Variants in PPP1R3A observed in about 807,000 individuals in gnomAD.
PPP1R3A encodes the protein protein phosphatase 1 regulatory subunit 3A, also known as RG1.
Under a neutral mutation model 41.7 loss-of-function variants are expected in PPP1R3A, and 29 were observed. The ratio of observed to expected loss-of-function variants is 0.70; its 90% CI spans 0.52 to 0.95. The LOEUF is 0.95. PPP1R3A is among the 40% of genes least tolerant of loss of function. The pLI, the probability that PPP1R3A is intolerant of heterozygous loss-of-function variation, is 0.00. For synonymous variants in PPP1R3A, 485 were observed against 453.4 expected, an observed-to-expected ratio of 1.07 and a Z score of -0.89; for missense variants, 1,352 against 1,292.4, an observed-to-expected ratio of 1.05 and a Z score of -0.71.
chr7:113,891,815 C>T (rs1016807966), intron 1 of PPP1R3A, among the ~76,000 whole-genome samples: 1 of 151,918 alleles, frequency 6.6e-6, no homozygotes, highest in Non-Finnish European at 1.5e-5. Context: ...TGTGCTAAAA[C>T]CCCATATGTC....
chr7:113,910,700 T>C (rs1243138222), intron 1 of PPP1R3A, among the ~76,000 whole-genome samples: 3 of 152,142 alleles, frequency 2.0e-5, no homozygotes, highest in Admixed American at 1.3e-4. Flanking sequence ...GATTTGTAAT[T>C]GTGTTAACAC....
At chr7:113,916,454 T>C (rs772708397) in intron 1 of PPP1R3A, among the ~76,000 whole-genome samples, 69 of 152,238 alleles carry the variant, frequency 4.5e-4, no homozygotes, top group Non-Finnish European at 8.4e-4. Context: ...ATCAGTTGGC[T>C]AGTCTTTGCC....
At chr7:113,896,417 T>C (rs1340511033) in intron 1 of PPP1R3A, among the ~76,000 whole-genome samples, 1 of 151,900 alleles carries the variant, frequency 6.6e-6, no homozygotes, top group Non-Finnish European at 1.5e-5. Flanking sequence ...AAAGCTAGTT[T>C]ATACATACAA....
In PPP1R3A at chr7:113,880,088, G is replaced by A. The variant is rs775655362; in HGVS notation, c.1004C>T (p.Ser335Phe). ...TGAAAATGTATTCCTTTCATCTCTG[G>A]AAGCAGTACTTCTGGTTCTTATTAA... Reference protein sequence around the residue: ...QHLIRTRSTASRDERNTFSTD... With the variant: ...QHLIRTRSTAFRDERNTFSTD... The change falls in exon 4 of 4, where the codon TCC becomes TTC. Residue 335 changes from serine to phenylalanine, a missense_variant. Physicochemically the swap from Ser to Phe is radical, Grantham distance 155. Coordinates refer to ENST00000284601, the MANE Select transcript of PPP1R3A (RefSeq NM_002711.4). 2 of 1,606,226 alleles carry A rather than the reference G, an allele frequency of 1.2e-6. No homozygotes were observed. The highest frequency in any genetic ancestry group is 8.5e-7 in the Non-Finnish European group (1 of 1,173,418).
At chr7:113,900,961 T>C (rs1562923714) in intron 1 of PPP1R3A, among the ~76,000 whole-genome samples, 1 of 151,616 alleles carries the variant, frequency 6.6e-6, no homozygotes, top group South Asian at 2.1e-4. Context: ...ATAATGCTGA[T>C]GTAGAATTTC....
intron 3 of PPP1R3A, among the ~76,000 whole-genome samples, chr7:113,880,397 C>T (rs1210651889): frequency 6.6e-6 from 1 of 151,998 alleles, no homozygotes; most frequent in East Asian, 1.9e-4. Context: ...TTCAACTGTT[C>T]TTGCTTGTCA....
At chr7:113,908,802 T>C (rs957497745) in intron 1 of PPP1R3A, among the ~76,000 whole-genome samples, 3 of 151,908 alleles carry the variant, frequency 2.0e-5, no homozygotes, top group Admixed American at 6.6e-5. Context: ...TGGAATACTA[T>C]GCACCCCTTA....
At chr7:113,911,702 C>G (rs543734118) in intron 1 of PPP1R3A, among the ~76,000 whole-genome samples, 4 of 152,094 alleles carry the variant, frequency 2.6e-5, no homozygotes, top group African/African-American at 4.8e-5. Flanking sequence ...TATAAATACT[C>G]GTCTCCCTGG....
chr7:113,879,934 T>G lies in PPP1R3A; in HGVS notation c.1158A>C (p.Gly386=). 6.2e-7 allele frequency: 1 copy of G among 1,613,586 alleles called. No homozygotes were observed. Among genetic ancestry groups the G allele is most frequent in the Non-Finnish European group, 8.5e-7 (1 of 1,179,670 alleles). The stretch of plus-strand genomic sequence containing the variant: ...AATATTTTTCATTGCAGTAAAAATC[T>G]CCCTTTACGGAGCTTTCTGCTGATG... The part of the protein sequence containing the change: ...PSSSAESSVK[G]DFYCNEKYSS... Residue 386 remains glycine, a synonymous_variant, in exon 4 of 4, where the codon GGA becomes GGC. Transcript: ENST00000284601.
chr7:113,896,396 G>GT (rs1796977048), intron 1 of PPP1R3A, among the ~76,000 whole-genome samples: 1 of 151,708 alleles, frequency 6.6e-6, no homozygotes. Context: ...GGCTTCTGTT[G>GT]TTTTTTACTT....
chr7:113,893,460 G>A (rs1796926273), intron 1 of PPP1R3A, among the ~76,000 whole-genome samples: 1 of 151,680 alleles, frequency 6.6e-6, no homozygotes, highest in Admixed American at 6.6e-5. Flanking sequence ...TACATGTAAT[G>A]GAATGGTTTA....
chr7:113,889,093 G>A (rs1378018443), intron 1 of PPP1R3A, among the ~76,000 whole-genome samples: 1 of 152,112 alleles, frequency 6.6e-6, no homozygotes. Flanking sequence ...GAATGATGGT[G>A]CTAAAAATTT....
chr7:113,906,485 AATATAAG>A (rs1231845508), intron 1 of PPP1R3A, among the ~76,000 whole-genome samples: 1 of 151,766 alleles, frequency 6.6e-6, no homozygotes, highest in African/African-American at 2.4e-5. Context: ...ACTTAAACAA[AATATAAG>A]ATATAAGACG....
At chr7:113,906,768 G>A (rs571099945) in intron 1 of PPP1R3A, among the ~76,000 whole-genome samples, 3 of 151,698 alleles carry the variant, frequency 2.0e-5, no homozygotes, top group Non-Finnish European at 4.4e-5. Flanking sequence ...TGGTCACATG[G>A]GGACTAATAC....
rs79966131 is a variant in PPP1R3A, at chr7:113,912,755, G to T, written c.782+5460C>A. Among the ~76,000 whole-genome samples the T allele has an allele frequency of 8.2e-3, 1,249 of 151,654 alleles. 15 individuals are homozygous for T. The highest frequency in any genetic ancestry group is 0.026 in the African/African-American group (1,085 of 41,332). ...GAGCATTTTTGGCTCAGAAATAGTG[G>T]GCTCTGCTTTATTTTTACAGGCTGC... On this transcript the variant is annotated intron_variant, in intron 1 of 3. Transcript: ENST00000284601.
chr7:113,879,293 T>C lies in PPP1R3A; in HGVS notation c.1799A>G (p.His600Arg), dbSNP rs754886657. ...SWEEAVLTPE[H>R]HHLTSEGSAL... is the part of the protein sequence containing the mutation. Reference sequence around the variant, plus strand: ...GCTGCCTTCACTAGTCAAATGATGATGCTCTGGGGTTAACACAGCTTCTTC... The same window carrying C: ...GCTGCCTTCACTAGTCAAATGATGACGCTCTGGGGTTAACACAGCTTCTTC... Residue 600 changes from histidine (H) to arginine (R), a missense_variant, in exon 4 of 4, where the codon CAT becomes CGT. Coordinates refer to ENST00000284601, the MANE Select transcript of PPP1R3A (RefSeq NM_002711.4). 10 of 1,613,564 alleles carry C rather than the reference T, an allele frequency of 6.2e-6. No homozygotes were observed. The South Asian group carries it at 6.6e-5, about 11-fold the overall frequency.
In PPP1R3A at chr7:113,878,738, T is replaced by A. The variant is rs1796621151; in HGVS notation, c.2354A>T (p.Tyr785Phe). 1 of 1,613,382 alleles carries A rather than the reference T, an allele frequency of 6.2e-7. No individual in the cohort carries two copies. Among genetic ancestry groups the A allele is most frequent in the African/African-American group, 1.3e-5 (1 of 74,876 alleles). The change falls in exon 4 of 4, where the codon TAT becomes TTT. Residue 785 changes from tyrosine to phenylalanine, a missense_variant. Tyr to Phe is a conservative substitution (Grantham distance 22, BLOSUM62 3). Coordinates refer to ENST00000284601, the MANE Select transcript of PPP1R3A (RefSeq NM_002711.4). ...PHEGRNDDSH[Y>F]TLCQRDTVGV... ...TACTGTATCTCGTTGACAAAGGGTA[T>A]AATGTGAATCATCATTTCTCCCTTC...
intron 1 of PPP1R3A, among the ~76,000 whole-genome samples, chr7:113,900,746 T>C (rs1430301805): frequency 6.7e-6 from 1 of 148,414 alleles, no homozygotes; most frequent in Non-Finnish European, 1.5e-5. Flanking sequence ...TATACTTGTA[T>C]ATACACTTAC....
intron 1 of PPP1R3A, among the ~76,000 whole-genome samples, chr7:113,905,730 T>C (rs917263970): frequency 2.6e-5 from 4 of 151,774 alleles, no homozygotes; most frequent in East Asian, 1.9e-4. Flanking sequence ...AATCTCAAGA[T>C]AGAAATGTCA....
Sources: gnomAD v4.1 joint callset for allele counts (sites outside exome capture counted in the v4.1 genomes callset) on GRCh38, gnomAD v4.1.1 for gene constraint, MANE v1.5 for transcripts, NCBI Gene and HGNC (gene_info 2026-07-23, HGNC 2026-07-21) for gene names.